CEP170B: variants seen among roughly 807,000 people sequenced by gnomAD.
The protein encoded by CEP170B is centrosomal protein of 170 kDa protein B.
CEP170B carries 55 observed loss-of-function variants against 120.6 expected under a neutral mutation model. The ratio of observed to expected loss-of-function variants is 0.46; its 90% CI spans 0.37 to 0.57. The LOEUF (loss-of-function observed/expected upper bound fraction) is 0.57, where lower values mean the gene tolerates loss of function less well. CEP170B is among the 20% of genes least tolerant of loss of function. CEP170B has a pLI of 0.00. For missense variants in CEP170B, 2,212 were observed against 2,253.3 expected (o/e 0.98, Z 0.37); for synonymous variants, 1,033 against 954.5 (o/e 1.08, Z -1.52).
At position 104,891,578 on chromosome 14, in the gene CEP170B, A is replaced by C. The variant is rs1036017431; in HGVS notation, c.3879-1398A>C. ...CTTGGGATGCTTGAGGTATTGGGGG[A>C]GCATAGGGAAGAAGGCTGCCATCAG... On this transcript the variant is annotated intron_variant, in intron 13 of 18. Coordinates refer to ENST00000414716, the MANE Select transcript of CEP170B (RefSeq NM_001112726.3). The surrounding 1 kb of genome is among the most constrained non-coding windows in gnomAD (Gnocchi z 4.3). Among the ~76,000 whole-genome samples, 2 of 150,820 alleles carry C rather than the reference A, an allele frequency of 1.3e-5. No homozygotes were observed. Among genetic ancestry groups the C allele is most frequent in the Non-Finnish European group, 3.0e-5 (2 of 67,766 alleles).
In CEP170B at chr14:104,894,525, C is replaced by T. The variant is rs1896994155; in HGVS notation, c.4366-12C>T. ...GAAGTTGACTCCACCTCCCTTCCTG[C>T]CACGTTTCCAGGAAATCAGCTCCAT... On this transcript the variant is annotated splice_polypyrimidine_tract_variant and intron_variant, in intron 17 of 18. Transcript: ENST00000414716. 1.9e-6 allele frequency: 3 copies of T among 1,610,044 alleles called. No homozygotes were observed. The highest frequency in any genetic ancestry group is 1.7e-6 in the Non-Finnish European group (2 of 1,178,016).
At position 104,884,432 on chromosome 14, in the gene CEP170B, G is replaced by A; in HGVS notation, c.1653G>A (p.Gln551=). The part of the protein sequence containing the change: ...PTPPPAPTDP[Q]LTKARKQEED... ...CACCGCCCGCCCCCACGGACCCCCAGCTGACCAAGGCACGGAAACAGGAGG... is the reference window on the plus strand; with the variant it reads ...CACCGCCCGCCCCCACGGACCCCCAACTGACCAAGGCACGGAAACAGGAGG... Residue 551 remains glutamine (Q), a synonymous_variant, in exon 9 of 19, where the codon CAG becomes CAA. Transcript: ENST00000414716. 6.7e-7 allele frequency: 1 copy of A among 1,494,932 alleles called. No individual in the cohort carries two copies. Among genetic ancestry groups the A allele is most frequent in the South Asian group, 1.2e-5 (1 of 82,822 alleles). 92.6% of individuals were successfully genotyped at this position (1,494,932 alleles called of 1,614,324 possible). A position where few individuals can be genotyped will look rare whatever the true frequency, so the allele number is the denominator to read the frequency against.
At chr14:104,889,905 AATGGATGGATGG>A (rs1160408059) in intron 13 of CEP170B, 147 bp downstream of exon 13, 45 of 137,164 alleles carry the variant, frequency 3.3e-4, no homozygotes, top group Admixed American at 3.3e-3. Flanking sequence ...TGGATGGACA[AATGGATGGATGG>A]ATGGATGGAT....
Position 104,886,890 on chromosome 14 carries a change from C to G in CEP170B, c.2651C>G (p.Pro884Arg), listed in dbSNP as rs776328662. The G allele has an allele frequency of 3.1e-6, 5 of 1,610,400 alleles. No homozygotes were observed. The highest frequency in any genetic ancestry group is 2.7e-5 in the African/African-American group (2 of 74,928). ...ASGPPAPGKP[P>R]HISSHPLLQD... ...GGTCCCCCAGCGCCCGGCAAGCCCC[C>G]CCACATCTCCAGCCACCCGCTTCTA... The change falls in exon 12 of 19, where the codon CCC (proline) becomes CGC (arginine). Residue 884 changes from proline (P) to arginine (R), a missense_variant. This residue lies in a region of CEP170B where 2,166 missense variants were observed against 2,166.7 expected (regional missense o/e 1.00). Transcript: ENST00000414716.
intron 2 of CEP170B, among the ~76,000 whole-genome samples, chr14:104,869,084 G>A (rs753342237): frequency 1.6e-4 from 24 of 152,196 alleles, no homozygotes; most frequent in Non-Finnish European, 2.4e-4. Flanking sequence ...AGCCTGCCGA[G>A]CACCGGCACT....
At chr14:104,866,813 C>G (rs755662072) in intron 1 of CEP170B, among the ~76,000 whole-genome samples, 3 of 152,186 alleles carry the variant, frequency 2.0e-5, no homozygotes, top group Non-Finnish European at 4.4e-5. Context: ...GAGCCACTCA[C>G]TCCTCTGCCT....
At position 104,887,004 on chromosome 14, in the gene CEP170B, C is replaced by CGGCCCTGGA. The variant is rs746255582; in HGVS notation, c.2771_2779dup (p.Leu924_Ala926dup). 1 of 1,609,650 alleles carries CGGCCCTGGA rather than the reference C, an allele frequency of 6.2e-7. No individual in the cohort carries two copies. Among genetic ancestry groups the CGGCCCTGGA allele is most frequent in the African/African-American group, 1.3e-5 (1 of 74,930 alleles). The stretch of plus-strand genomic sequence containing the variant: ...TTGAAGGAGACGGAGACGGCCCTGG[C>CGGCCCTGGA]GGCCCTGGAGGCCCGACTCCTCTCT... On this transcript the variant is annotated inframe_insertion, in exon 12 of 19. Coordinates refer to ENST00000414716, the MANE Select transcript of CEP170B (RefSeq NM_001112726.3).
At position 104,886,828 on chromosome 14, in the gene CEP170B, T is replaced by C; in HGVS notation, c.2589T>C (p.Phe863=). 1.2e-6 allele frequency: 2 copies of C among 1,611,212 alleles called. No individual in the cohort carries two copies. Among genetic ancestry groups the C allele is most frequent in the Non-Finnish European group, 1.7e-6 (2 of 1,179,816 alleles). Residue 863 remains phenylalanine, a synonymous_variant, in exon 12 of 19, where the codon TTT becomes TTC. Transcript: ENST00000414716. ...AACCCGACGGCCCTGCCCCAGCCTT[T>C]CTCCGGCAAGAGAGCTTCACTAAGG... The part of the protein sequence containing the change: ...SPEPDGPAPA[F]LRQESFTKEP...
chr14:104,882,945 C>G, intron 7 of CEP170B, 90 bp from the exon 8 acceptor site: 2 of 1,452,076 alleles, frequency 1.4e-6, no homozygotes, highest in Non-Finnish European at 1.8e-6. Flanking sequence ...CCTGTCTCCC[C>G]CTCTTGGGTG....
Position 104,896,311 on chromosome 14 carries a change from G to A in CEP170B, c.*1353G>A, listed in dbSNP as rs1897071950. On this transcript the variant is annotated 3_prime_UTR_variant, in exon 19 of 19. Transcript: ENST00000414716. ...CCTCTGAGCCTGCGGCCCACCTGAT[G>A]TTTACGTGTGTGTGTGAGGGGGGGC... 1 of 334,980 alleles carries A rather than the reference G, an allele frequency of 3.0e-6. No individual in the cohort carries two copies. The highest frequency in any genetic ancestry group is 6.0e-6 in the Non-Finnish European group (1 of 168,050). 20.8% of individuals were successfully genotyped at this position (334,980 alleles called of 1,614,324 possible).
intron 2 of CEP170B, among the ~76,000 whole-genome samples, chr14:104,873,457 G>A (rs1895680969): frequency 6.6e-6 from 1 of 152,052 alleles, no homozygotes; most frequent in Non-Finnish European, 1.5e-5. Flanking sequence ...GAGGCTTTGG[G>A]GCCTGCGGGA....
In CEP170B at chr14:104,883,891, C is replaced by T. The variant is rs761980821; in HGVS notation, c.1112C>T (p.Ser371Leu). 5.4e-5 allele frequency: 86 copies of T among 1,584,746 alleles called. No individual in the cohort carries two copies. The highest frequency in any genetic ancestry group is 1.7e-4 in the Middle Eastern group (1 of 6,038). ...GAGGACCCCCTGGCCAAGGCGGCCT[C>T]GGCCGCTGGGGTGCCCTTGGAGGCC... ...DSEDPLAKAA[S>L]AAGVPLEASG... Residue 371 changes from serine (S) to leucine (L), a missense_variant, in exon 9 of 19, where the codon TCG becomes TTG. Around this residue, in one of 2 missense-constraint regions of CEP170B, gnomAD observed 2,166 missense variants for 2,166.7 expected, o/e 1.00. Transcript: ENST00000414716.
chr14:104,886,007 C>T (rs1328758136), intron 10 of CEP170B, 33 bp from the exon 11 acceptor site: 6 of 1,499,906 alleles, frequency 4.0e-6, no homozygotes, highest in East Asian at 2.5e-5. Flanking sequence ...GTTGGGCTTG[C>T]GTGTGGAAAC....
chr14:104,875,167 G>C (rs1895774782), intron 2 of CEP170B, among the ~76,000 whole-genome samples: 1 of 152,216 alleles, frequency 6.6e-6, no homozygotes, highest in Admixed American at 6.5e-5. Context: ...GCTCTCACCT[G>C]GGAGACTGAG....
intron 10 of CEP170B, 25 bp downstream of exon 10, chr14:104,885,567 A>G (rs764825244): frequency 3.9e-6 from 6 of 1,537,636 alleles, no homozygotes; most frequent in South Asian, 2.4e-5. Flanking sequence ...GGCCACCCCA[A>G]GGAGGGGCTG....
intron 12 of CEP170B, among the ~76,000 whole-genome samples, chr14:104,889,148 C>T (rs926190969): frequency 2.0e-5 from 3 of 152,206 alleles, no homozygotes; most frequent in Non-Finnish European, 4.4e-5. Context: ...GTGGTCCAGC[C>T]TGGGCCGCAG....
At chr14:104,886,201 C>T in intron 11 of CEP170B, 71 bp downstream of exon 11, 2 of 1,471,584 alleles carry the variant, frequency 1.4e-6, no homozygotes, top group Non-Finnish European at 9.0e-7. Context: ...ACCACGGACA[C>T]AGGCTGCCTC....
rs568428509 is a variant in CEP170B at position 104,891,493 on chromosome 14, G to A, written c.3879-1483G>A. On this transcript the variant is annotated intron_variant, in intron 13 of 18. Coordinates refer to ENST00000414716, the MANE Select transcript of CEP170B (RefSeq NM_001112726.3). The surrounding 1 kb of genome is among the most constrained non-coding windows in gnomAD (Gnocchi z 4.3). ...GCGCAGGCACCTGAGGCTGTGAGCAGCATGAAGTTGGTGGGGAGGACCTGG... is the reference window on the plus strand; with the variant it reads ...GCGCAGGCACCTGAGGCTGTGAGCAACATGAAGTTGGTGGGGAGGACCTGG... Among the ~76,000 whole-genome samples, 5 of 152,228 alleles carry A rather than the reference G, an allele frequency of 3.3e-5. No homozygotes were observed. The East Asian group carries it at 9.6e-4, about 29-fold the overall frequency.
Position 104,880,361 on chromosome 14 carries a change from A to G in CEP170B, c.408A>G (p.Glu136=). The change falls in exon 6 of 19, where the codon GAA becomes GAG. Residue 136 remains glutamate, a synonymous_variant. Coordinates refer to ENST00000414716, the MANE Select transcript of CEP170B (RefSeq NM_001112726.3). The part of the protein sequence containing the change: ...LAPKRSEALP[E]HTPYCEASNP... Reference sequence around the variant, plus strand: ...CCAAGAGGAGCGAGGCACTGCCGGAACACACACCATACTGCGAGGCCTCGA... The same window carrying G: ...CCAAGAGGAGCGAGGCACTGCCGGAGCACACACCATACTGCGAGGCCTCGA... 1.2e-6 allele frequency: 2 copies of G among 1,612,614 alleles called. No homozygotes were observed. Among genetic ancestry groups the G allele is most frequent in the Non-Finnish European group, 1.7e-6 (2 of 1,179,658 alleles).
Sources: allele counts gnomAD v4.1 joint callset (sites outside exome capture counted in the v4.1 genomes callset), GRCh38; gene constraint gnomAD v4.1.1; regional missense constraint gnomAD v4.1.1; non-coding constraint Gnocchi (gnomAD v3.1); transcripts MANE v1.5; gene names NCBI Gene and HGNC (gene_info 2026-07-23, HGNC 2026-07-21).